The following FIG4 variants were observed in gnomAD, a reference collection of about 807,000 sequenced individuals.
FIG4 encodes the protein FIG4 phosphoinositide 5-phosphatase.
Under a neutral mutation model 118.6 loss-of-function variants are expected in FIG4, and 112 were observed. The ratio of observed to expected loss-of-function variants is 0.94; its 90% CI spans 0.81 to 1.11. FIG4 has a LOEUF of 1.11. Among genes scored for constraint, FIG4 ranks in the 50% least tolerant of loss-of-function variants. The probability of loss-of-function intolerance (pLI) is 0.00; values close to 1 mark genes in which losing one functional copy is unlikely to be tolerated. For synonymous variants in FIG4, 369 were observed against 381.2 expected, an observed-to-expected ratio of 0.97 and a Z score of 0.37; for missense variants, 969 against 1,111.7, an observed-to-expected ratio of 0.87 and a Z score of 1.83.
chr6:109,703,380 C>T (rs760235912), intron 1 of FIG4, among the ~76,000 whole-genome samples: 2 of 152,056 alleles, frequency 1.3e-5, no homozygotes, highest in Non-Finnish European at 2.9e-5. Context: ...ACAGAGGTAT[C>T]AGGGGCTTCA....
chr6:109,775,147 C>G (rs1777582916), intron 15 of FIG4, among the ~76,000 whole-genome samples: 1 of 152,150 alleles, frequency 6.6e-6, no homozygotes, highest in African/African-American at 2.4e-5. Flanking sequence ...TTGTTATCCA[C>G]AACCACAGAG....
chr6:109,820,919 G>C (rs1200122911), intron 22 of FIG4, among the ~76,000 whole-genome samples: 7 of 152,164 alleles, frequency 4.6e-5, no homozygotes, highest in Non-Finnish European at 1.0e-4. Context: ...GAAGAAGCAG[G>C]AGGAAACAGT....
chr6:109,693,527 C>T (rs925581877), intron 1 of FIG4, among the ~76,000 whole-genome samples: 4 of 152,126 alleles, frequency 2.6e-5, no homozygotes, highest in African/African-American at 9.7e-5. Context: ...CTCTGGCCAG[C>T]TTAGAGACAA....
intron 10 of FIG4, among the ~76,000 whole-genome samples, chr6:109,753,056 T>C (rs538929819): frequency 3.9e-4 from 60 of 152,338 alleles, no homozygotes; most frequent in Non-Finnish European, 6.6e-4. Flanking sequence ...TTTCTACATA[T>C]GGCTAGCCAG....
chr6:109,743,848 A>C, intron 10 of FIG4, 76 bp downstream of exon 10: 2 of 513,044 alleles, frequency 3.9e-6, no homozygotes, highest in East Asian at 2.4e-5. Flanking sequence ...GAGGGGGTTA[A>C]CAAGCCATGC....
chr6:109,804,112 C>T (rs1217577560), intron 22 of FIG4, among the ~76,000 whole-genome samples: 1 of 152,116 alleles, frequency 6.6e-6, no homozygotes, highest in African/African-American at 2.4e-5. Flanking sequence ...TCATAAGACA[C>T]TCTTACCTTT....
intron 10 of FIG4, among the ~76,000 whole-genome samples, chr6:109,756,285 A>G (rs1403827972): frequency 6.6e-6 from 1 of 152,180 alleles, no homozygotes; most frequent in Non-Finnish European, 1.5e-5. Context: ...TCTGGCTTGT[A>G]GAGTTTCTGC....
intron 16 of FIG4, 59 bp downstream of exon 16, chr6:109,777,119 A>G (rs564117095): frequency 3.8e-5 from 55 of 1,461,296 alleles, no homozygotes; most frequent in Admixed American, 7.0e-5. Flanking sequence ...TGAATATGAG[A>G]TACTTTTCAT....
intron 10 of FIG4, among the ~76,000 whole-genome samples, chr6:109,745,229 A>G (rs1290570840): frequency 6.6e-6 from 1 of 152,136 alleles, no homozygotes; most frequent in Non-Finnish European, 1.5e-5. Context: ...TGTCTTCCAC[A>G]ATGGTTGAAC....
intron 15 of FIG4, among the ~76,000 whole-genome samples, chr6:109,775,624 T>A (rs556493869): frequency 6.6e-6 from 1 of 152,210 alleles, no homozygotes; most frequent in South Asian, 2.1e-4. Flanking sequence ...TTTTGTATTA[T>A]GTAAAGAGGG....
rs956953729 is a variant in FIG4 at position 109,727,269 on chromosome 6, T to A, written c.446+4T>A. 3.1e-6 allele frequency: 5 copies of A among 1,596,210 alleles called. No individual in the cohort carries two copies. The African/African-American group carries it at 7.3e-5, about 23-fold the overall frequency. On this transcript the variant is annotated splice_donor_region_variant and intron_variant, in intron 4 of 22. Coordinates refer to ENST00000230124, the MANE Select transcript of FIG4 (RefSeq NM_014845.6). ...TTACTCATCCTGATGAAGCTAGGTA[T>A]GTATGGTGGTAACTACCTTTTTTTT...
At chr6:109,740,318 T>C (rs1226807731) in intron 7 of FIG4, among the ~76,000 whole-genome samples, 1 of 152,184 alleles carries the variant, frequency 6.6e-6, no homozygotes, top group Admixed American at 6.5e-5. Flanking sequence ...CTCGTAAGTT[T>C]AAACAATGAA....
At chr6:109,698,677 G>C (rs544317977) in intron 1 of FIG4, among the ~76,000 whole-genome samples, 1 of 152,162 alleles carries the variant, frequency 6.6e-6, no homozygotes, top group Non-Finnish European at 1.5e-5. Flanking sequence ...TTCTTGCTTT[G>C]GTCTGATGAG....
At chr6:109,778,470 CA>C (rs111576515) in intron 16 of FIG4, among the ~76,000 whole-genome samples, 45 of 142,984 alleles carry the variant, frequency 3.1e-4, no homozygotes, top group East Asian at 4.2e-4. Flanking sequence ...ACCTCTGTCT[CA>C]AAAAAAAAAA....
intron 1 of FIG4, among the ~76,000 whole-genome samples, chr6:109,707,265 ATGTGTGTGTGTGTGTATATATATATATG>A (rs1775097988): frequency 6.8e-6 from 1 of 146,622 alleles, no homozygotes; most frequent in Non-Finnish European, 1.5e-5. Context: ...TTATAAACTG[ATGTGTGTGTGTGTGTATATATATATATG>A]TGTGTGTGTG....
In FIG4 at chr6:109,786,287, C is replaced by T. The variant is rs778444771; in HGVS notation, c.1949-15C>T. ...AATCTCAGACTTTTAGAGTAACATG[C>T]AGTATCTCTCTTAGTTATCTGTGCT... On this transcript the variant is annotated splice_polypyrimidine_tract_variant and intron_variant, in intron 17 of 22. Coordinates refer to ENST00000230124, the MANE Select transcript of FIG4 (RefSeq NM_014845.6). 9 of 1,603,834 alleles carry T rather than the reference C, an allele frequency of 5.6e-6. No homozygotes were observed. Among genetic ancestry groups the T allele is most frequent in the Non-Finnish European group, 7.7e-6 (9 of 1,171,442 alleles).
At chr6:109,699,704 A>G (rs1019922507) in intron 1 of FIG4, among the ~76,000 whole-genome samples, 4 of 151,982 alleles carry the variant, frequency 2.6e-5, no homozygotes, top group Non-Finnish European at 5.9e-5. Flanking sequence ...GGATTTCACC[A>G]TGTTGGCTAG....
Position 109,715,137 on chromosome 6 carries a change from TAGAAC to T in FIG4, c.132_136del (p.Glu45LysfsTer7). 1 of 1,608,042 alleles carries T rather than the reference TAGAAC, an allele frequency of 6.2e-7. No homozygotes were observed. Among genetic ancestry groups the T allele is most frequent in the Non-Finnish European group, 8.5e-7 (1 of 1,174,972 alleles). ...CGAAATATCGTGTCTTGAAGATTGA[TAGAAC>T]AGAACCAAAAGATTTGGTCATAATT... On this transcript the variant is annotated frameshift_variant, in exon 2 of 23. Transcript: ENST00000230124. LOFTEE classifies it high-confidence loss of function.
chr6:109,788,166 G>C (rs191190535), intron 18 of FIG4, among the ~76,000 whole-genome samples: 2 of 152,294 alleles, frequency 1.3e-5, no homozygotes, highest in African/African-American at 4.8e-5. Context: ...ACATATTCAA[G>C]TTACTATGGG....
Sources: allele counts gnomAD v4.1 joint callset (sites outside exome capture counted in the v4.1 genomes callset), GRCh38; gene constraint gnomAD v4.1.1; transcripts MANE v1.5; gene names NCBI Gene and HGNC (gene_info 2026-07-23, HGNC 2026-07-21).